FAM81A: variants seen among roughly 807,000 people sequenced by gnomAD.
The protein encoded by FAM81A is family with sequence similarity 81 member A, also known as protein FAM81A.
FAM81A carries 19 observed loss-of-function variants against 46.7 expected under a neutral mutation model. The observed-to-expected ratio is 0.41, with a 90% confidence interval of 0.28 to 0.60. The LOEUF (loss-of-function observed/expected upper bound fraction) is 0.60. FAM81A is among the 20% of genes least tolerant of loss of function. FAM81A has a pLI of 0.34. For synonymous variants in FAM81A, 183 were observed against 152.9 expected (o/e 1.20, Z -1.45); for missense variants, 377 against 453.5 (o/e 0.83, Z 1.53).
chr15:59,412,109 G>T lies in FAM81A; in HGVS notation c.-78+9751G>T, dbSNP rs528339127. On this transcript the variant is annotated intron_variant, in intron 2 of 4. Coordinates refer to the FAM81A transcript ENST00000558348. Reference sequence around the variant, plus strand: ...AGGCCACAAGGAGGGCTTCGATTTTGGGGGCTGTTGGCCTAGATCTGCATG... The same window carrying T: ...AGGCCACAAGGAGGGCTTCGATTTTTGGGGCTGTTGGCCTAGATCTGCATG... Among the ~76,000 whole-genome samples the T allele has an allele frequency of 1.1e-4, 17 of 152,156 alleles. No individual in the cohort carries two copies. In the East Asian group the frequency reaches 3.3e-3, roughly 29 times the overall value.
In FAM81A at chr15:59,398,386, G is replaced by A. The variant is rs1353961631; in HGVS notation, c.-160-3890G>A. On this transcript the variant is annotated intron_variant, in intron 1 of 4. Coordinates refer to the FAM81A transcript ENST00000558348. ...AAATAACAGTGCCTTCCACAGGATG[G>A]GAGTTGACTTCCCTTTTACACAAAT... is the stretch of plus-strand genomic sequence containing the variant. 3.3e-5 allele frequency among the ~76,000 whole-genome samples: 5 copies of A among 152,128 alleles called. No individual in the cohort carries two copies. The East Asian group carries it at 7.7e-4, about 23-fold the overall frequency.
chr15:59,412,750 G>T (rs1434985852), intron 2 of FAM81A, among the ~76,000 whole-genome samples: 2 of 151,648 alleles, frequency 1.3e-5, no homozygotes, highest in Non-Finnish European at 2.9e-5. Flanking sequence ...TGTTACAGTG[G>T]GTCCCTCCCT....
At chr15:59,507,438 G>A (rs745313016) in intron 5 of FAM81A, 96 bp downstream of exon 5, 2 of 1,479,508 alleles carry the variant, frequency 1.4e-6, no homozygotes, top group African/African-American at 2.8e-5. Context: ...AAACCAGCTG[G>A]GGCATCTAGC....
chr15:59,403,915 A>T (rs1447515854), intron 2 of FAM81A, among the ~76,000 whole-genome samples: 1 of 140,958 alleles, frequency 7.1e-6, no homozygotes, highest in Admixed American at 7.4e-5. Flanking sequence ...ACAGAGTCTC[A>T]CTCTGTCACC....
chr15:59,401,183 G>A (rs1359411560), intron 1 of FAM81A: 1 of 786,200 alleles, frequency 1.3e-6, no homozygotes, highest in African/African-American at 1.7e-5. Flanking sequence ...TTTTTCAATT[G>A]GTGCGTAGTC....
chr15:59,450,153 A>T (rs1190299174), intron 1 of FAM81A, among the ~76,000 whole-genome samples: 1 of 141,072 alleles, frequency 7.1e-6, no homozygotes. Context: ...GCCCAGGCCC[A>T]GTCCTGGGTT....
intron 3 of FAM81A, among the ~76,000 whole-genome samples, chr15:59,480,507 C>G (rs1171018274): frequency 6.6e-6 from 1 of 152,134 alleles, no homozygotes; most frequent in African/African-American, 2.4e-5. Flanking sequence ...TAGGCCGTAT[C>G]TTTGAAAAAA....
chr15:59,482,361 T>G (rs1266422277), intron 3 of FAM81A, among the ~76,000 whole-genome samples: 1 of 152,160 alleles, frequency 6.6e-6, no homozygotes, highest in Non-Finnish European at 1.5e-5. Context: ...CTCCACTACC[T>G]GGGTCCAAGC....
chr15:59,440,116 C>T (rs2081281676), intron 1 of FAM81A: 1 of 152,280 alleles, frequency 6.6e-6, no homozygotes, highest in Non-Finnish European at 1.5e-5. Flanking sequence ...CAAGTCTCCT[C>T]TCGGAAGGTA....
intron 1 of FAM81A, chr15:59,438,975 GTTC>G (rs2081267384): frequency 6.6e-6 from 1 of 152,210 alleles, no homozygotes; most frequent in Non-Finnish European, 1.5e-5. Context: ...ATGCTCCTAA[GTTC>G]TTCTTTCCTG....
chr15:59,454,669 A>T (rs1231400525), intron 1 of FAM81A, among the ~76,000 whole-genome samples: 1 of 152,118 alleles, frequency 6.6e-6, no homozygotes, highest in Non-Finnish European at 1.5e-5. Context: ...TCTGTCACCC[A>T]GGCTAGAGTG....
chr15:59,469,720 A>C (rs950212737), intron 3 of FAM81A, among the ~76,000 whole-genome samples: 4 of 152,222 alleles, frequency 2.6e-5, no homozygotes, highest in African/African-American at 7.2e-5. Context: ...CTTACATTTA[A>C]GGTTAAGATT....
chr15:59,512,150 C>T (rs1253361481), intron 6 of FAM81A, among the ~76,000 whole-genome samples: 2 of 152,090 alleles, frequency 1.3e-5, no homozygotes, highest in Non-Finnish European at 2.9e-5. Context: ...AGAAAACTCA[C>T]ACTTTAGTAC....
intron 1 of FAM81A, among the ~76,000 whole-genome samples, chr15:59,452,261 A>T (rs1055761553): frequency 1.3e-4 from 20 of 152,366 alleles, no homozygotes; most frequent in African/African-American, 4.6e-4. Context: ...ATCCATGATT[A>T]TAAACGCTAT....
chr15:59,458,845 C>T (rs547716526), intron 2 of FAM81A, among the ~76,000 whole-genome samples, 199 bp downstream of exon 2: 1 of 152,306 alleles, frequency 6.6e-6, no homozygotes, highest in East Asian at 1.9e-4. Context: ...CACAGTAGTC[C>T]TACAGTAGAC....
chr15:59,481,965 T>C, intron 3 of FAM81A, among the ~76,000 whole-genome samples: 1 of 152,110 alleles, frequency 6.6e-6, no homozygotes, highest in South Asian at 2.1e-4. Context: ...GTTTAAAAAA[T>C]AGACTTTATT....
upstream of FAM81A, among the ~76,000 whole-genome samples, chr15:59,434,890 G>A (rs765670746): frequency 2.6e-5 from 4 of 152,198 alleles, no homozygotes; most frequent in Non-Finnish European, 5.9e-5. Context: ...CTACCTAGAG[G>A]AGCCTACTTA....
At position 59,460,274 on chromosome 15, in the gene FAM81A, C is replaced by G; in HGVS notation, c.294+68C>G. On this transcript the variant is annotated intron_variant, in intron 3 of 8. Transcript: ENST00000288228. This position sits in a 1 kb window ranked among gnomAD's most constrained non-coding sequence, Gnocchi z 4.4. ...GAATTGCTCCATGTCAGGAGGTCAC[C>G]CACATCTAACTCCTACCTCCCAGGC... The G allele has an allele frequency of 6.3e-7, 1 of 1,594,502 alleles. No homozygotes were observed. Among genetic ancestry groups the G allele is most frequent in the Non-Finnish European group, 8.6e-7 (1 of 1,163,360 alleles).
intron 2 of FAM81A, among the ~76,000 whole-genome samples, chr15:59,415,093 G>A (rs1179502302): frequency 2.6e-5 from 4 of 151,348 alleles, no homozygotes; most frequent in Admixed American, 2.6e-4. Context: ...TGGGATTACA[G>A]GCGTGAGCCA....
Sources: allele counts gnomAD v4.1 joint callset (sites outside exome capture counted in the v4.1 genomes callset), GRCh38; gene constraint gnomAD v4.1.1; non-coding constraint Gnocchi (gnomAD v3.1); transcripts MANE v1.5; gene names NCBI Gene and HGNC (gene_info 2026-07-23, HGNC 2026-07-21).